Variants in AP1M1 observed in about 807,000 individuals in gnomAD.
AP1M1 encodes the protein AP-1 complex subunit mu-1.
Under a neutral mutation model 57.1 loss-of-function variants are expected in AP1M1, and 18 were observed. The ratio of observed to expected loss-of-function variants is 0.32; its 90% CI spans 0.22 to 0.47. AP1M1 has a LOEUF of 0.47. Ranked by LOEUF, AP1M1 falls within the 20% of genes least tolerant of loss-of-function variation. The pLI is 1.00. For synonymous variants in AP1M1, 241 were observed against 237.9 expected (o/e 1.01, Z -0.12); for missense variants, 362 against 593.5 (o/e 0.61, Z 4.05).
chr19:16,223,617 A>C (rs2091555796), intron 5 of AP1M1, among the ~76,000 whole-genome samples: 1 of 152,214 alleles, frequency 6.6e-6, no homozygotes, highest in Non-Finnish European at 1.5e-5. Context: ...CAGGAGAGTC[A>C]GGAGTTCCTC....
At chr19:16,232,219 C>G (rs2091601811) in intron 9 of AP1M1, among the ~76,000 whole-genome samples, 1 of 152,268 alleles carries the variant, frequency 6.6e-6, no homozygotes, top group Admixed American at 6.5e-5. Context: ...CCTTTGGCAG[C>G]ACGCCTGTCA....
chr19:16,210,259 G>T, intron 5 of AP1M1: 2 of 657,096 alleles, frequency 3.0e-6, no homozygotes, highest in South Asian at 1.7e-5. Flanking sequence ...ACCACAGAAG[G>T]ACATTTGGGT....
chr19:16,232,294 G>A (rs1054204763), intron 9 of AP1M1, among the ~76,000 whole-genome samples: 1 of 152,224 alleles, frequency 6.6e-6, no homozygotes, highest in East Asian at 1.9e-4. Flanking sequence ...GTGGGTTTTG[G>A]TGTGTGAGCC....
rs941183591 is a variant in AP1M1 at position 16,236,679 on chromosome 19, A to G, written c.*2244A>G. ...CTCTCTGCCTGAGATCCACAGGAGA[A>G]AAAGTCACCACTCATTTAGACCCCA... is the stretch of plus-strand genomic sequence containing the variant. On this transcript the variant is annotated 3_prime_UTR_variant, in exon 12 of 12. Transcript: ENST00000291439. 6 of 152,246 alleles carry G rather than the reference A, an allele frequency of 3.9e-5. No homozygotes were observed. The highest frequency in any genetic ancestry group is 1.4e-4 in the African/African-American group (6 of 41,458). The allele number at this position is 152,246 out of a possible 1,614,324, so 9.4% of individuals were successfully genotyped here.
intron 2 of AP1M1, among the ~76,000 whole-genome samples, chr19:16,205,117 G>C (rs1049662704): frequency 6.6e-6 from 1 of 152,200 alleles, no homozygotes; most frequent in East Asian, 1.9e-4. Context: ...ACAGTCGTGA[G>C]CCACCGTGCC....
At chr19:16,217,773 G>T (rs2091525090) in intron 5 of AP1M1, among the ~76,000 whole-genome samples, 1 of 152,136 alleles carries the variant, frequency 6.6e-6, no homozygotes, top group Non-Finnish European at 1.5e-5. Context: ...CTAGGGGATG[G>T]GTGTCCTGGC....
At chr19:16,215,143 G>A (rs765770111) in intron 5 of AP1M1, among the ~76,000 whole-genome samples, 58 of 138,878 alleles carry the variant, frequency 4.2e-4, no homozygotes, top group Non-Finnish European at 7.5e-4. Context: ...TAATATATTG[G>A]CCAGGAGTGG....
In AP1M1 at chr19:16,241,791, T is replaced by C. The variant is rs2145151564; in HGVS notation, c.*7356T>C. ...AGGCGGATCACCTGAGGTTGGGAGT[T>C]CGAGATCAGCCTGACTAACATGAGA... On this transcript the variant is annotated 3_prime_UTR_variant, in exon 12 of 12. Coordinates refer to ENST00000291439, the MANE Select transcript of AP1M1 (RefSeq NM_032493.4). The C allele has an allele frequency of 6.6e-6, 1 of 151,118 alleles. No homozygotes were observed. Among genetic ancestry groups the C allele is most frequent in the African/African-American group, 2.4e-5 (1 of 41,024 alleles). The allele number at this position is 151,118 out of a possible 1,614,324, so 9.4% of individuals were successfully genotyped here. A position where few individuals can be genotyped will look rare whatever the true frequency, so the allele number is the denominator to read the frequency against.
intron 5 of AP1M1, chr19:16,210,213 C>T: frequency 5.3e-6 from 3 of 561,854 alleles, no homozygotes; most frequent in East Asian, 2.8e-5. Flanking sequence ...AAGTCTGTTC[C>T]CTTTTATATT....
chr19:16,240,397 C>A lies in AP1M1; in HGVS notation c.*5962C>A, dbSNP rs559781803. The A allele has an allele frequency of 6.6e-6, 1 of 152,238 alleles. No homozygotes were observed. The highest frequency in any genetic ancestry group is 2.1e-4 in the South Asian group (1 of 4,826). The allele number at this position is 152,238 out of a possible 1,614,324, so 9.4% of individuals were successfully genotyped here. ...AAAAATGAGAACTGGGGAGCAGCCA[C>A]ATGCAAAGAGATCGTGGCCAGAATT... On this transcript the variant is annotated 3_prime_UTR_variant, in exon 12 of 12. Transcript: ENST00000291439.
At position 16,245,190 on chromosome 19, in the gene AP1M1, C is replaced by A. The variant is rs955931740; in HGVS notation, c.*10755C>A. ...GGATTACAGGCATGAGCCACTGCGC[C>A]CAGCCAAATCTGCATTTTGATAAGT... is the stretch of plus-strand genomic sequence containing the variant. On this transcript the variant is annotated 3_prime_UTR_variant, in exon 12 of 12. Coordinates refer to ENST00000291439, the MANE Select transcript of AP1M1 (RefSeq NM_032493.4). 6.6e-6 allele frequency: 1 copy of A among 151,892 alleles called. No individual in the cohort carries two copies. The highest frequency in any genetic ancestry group is 1.5e-5 in the Non-Finnish European group (1 of 68,032). The allele number at this position is 151,892 out of a possible 1,614,324, so 9.4% of individuals were successfully genotyped here. A position where few individuals can be genotyped will look rare whatever the true frequency, so the allele number is the denominator to read the frequency against.
Position 16,244,278 on chromosome 19 carries a change from C to T in AP1M1, c.*9843C>T, listed in dbSNP as rs1236454447. ...TTCAAGAATGAGGTTACAGTAAAAACATTTTGCAGACAAATAACGAAAGAG... is the reference window on the plus strand; with the variant it reads ...TTCAAGAATGAGGTTACAGTAAAAATATTTTGCAGACAAATAACGAAAGAG... On this transcript the variant is annotated 3_prime_UTR_variant, in exon 12 of 12. Coordinates refer to ENST00000291439, the MANE Select transcript of AP1M1 (RefSeq NM_032493.4). 6.6e-6 allele frequency: 1 copy of T among 152,182 alleles called. No individual in the cohort carries two copies. Among genetic ancestry groups the T allele is most frequent in the African/African-American group, 2.4e-5 (1 of 41,458 alleles). 9.4% of individuals were successfully genotyped at this position (152,182 alleles called of 1,614,324 possible). A position where few individuals can be genotyped will look rare whatever the true frequency, so the allele number is the denominator to read the frequency against.
rs1376335932 is a variant in AP1M1, at chr19:16,236,766, C to T, written c.*2331C>T. On this transcript the variant is annotated 3_prime_UTR_variant, in exon 12 of 12. Transcript: ENST00000291439. ...CCAAGATGTTTATGACAGAAAACCT[C>T]CCTGGAGGGACCTAACTTCATGCCT... 3.9e-5 allele frequency: 6 copies of T among 152,190 alleles called. No homozygotes were observed. Among genetic ancestry groups the T allele is most frequent in the Non-Finnish European group, 8.8e-5 (6 of 68,054 alleles). The allele number at this position is 152,190 out of a possible 1,614,324, so 9.4% of individuals were successfully genotyped here. A position where few individuals can be genotyped will look rare whatever the true frequency, so the allele number is the denominator to read the frequency against.
At chr19:16,222,271 A>C (rs2091549270) in intron 5 of AP1M1, among the ~76,000 whole-genome samples, 3 of 150,192 alleles carry the variant, frequency 2.0e-5, no homozygotes, top group Non-Finnish European at 3.0e-5. Context: ...GCCATGGAGC[A>C]AGCATGGCTC....
chr19:16,222,379 T>A (rs951670428), intron 5 of AP1M1, among the ~76,000 whole-genome samples: 7 of 151,066 alleles, frequency 4.6e-5, no homozygotes, highest in African/African-American at 9.7e-5. Context: ...GGCTAATTTT[T>A]AAAAAAAAAT....
chr19:16,198,145 T>C, intron 1 of AP1M1, 77 bp downstream of exon 1: 1 of 1,542,866 alleles, frequency 6.5e-7, no homozygotes, highest in Non-Finnish European at 8.8e-7. Flanking sequence ...ACCCTGTTGC[T>C]AGGTAACCGG....
rs71178661 is a variant in AP1M1, at chr19:16,239,239, C to CTTTTTTTT, written c.*4837_*4844dup. On this transcript the variant is annotated 3_prime_UTR_variant, in exon 12 of 12. Coordinates refer to ENST00000291439, the MANE Select transcript of AP1M1 (RefSeq NM_032493.4). The stretch of plus-strand genomic sequence containing the variant: ...TGAGCCACCGCGCCCGGCCAGTTCT[C>CTTTTTTTT]TTTTTTTTTTTTTTTTTTTTTTTTT... 56 of 39,284 alleles carry CTTTTTTTT rather than the reference C, an allele frequency of 1.4e-3. 5 individuals are homozygous for CTTTTTTTT. The highest frequency in any genetic ancestry group is 4.3e-3 in the African/African-American group (48 of 11,282). 2.4% of individuals were successfully genotyped at this position (39,284 alleles called of 1,614,324 possible).
Position 16,234,397 on chromosome 19 carries a change from C to T in AP1M1, c.1250-16C>T, listed in dbSNP as rs920618600. The stretch of plus-strand genomic sequence containing the variant: ...GGGTGCAGAGCCCAGCATGACGCCT[C>T]CCTCCTGTCTCCTAGATTACCAGCT... On this transcript the variant is annotated splice_polypyrimidine_tract_variant and intron_variant, in intron 11 of 11. Transcript: ENST00000291439. The T allele has an allele frequency of 1.2e-6, 2 of 1,613,994 alleles. No individual in the cohort carries two copies. Among genetic ancestry groups the T allele is most frequent in the Non-Finnish European group, 1.7e-6 (2 of 1,179,964 alleles).
chr19:16,226,758 C>A, intron 6 of AP1M1: 1 of 620,906 alleles, frequency 1.6e-6, no homozygotes, highest in Non-Finnish European at 2.6e-6. Flanking sequence ...TCCAGTCCAG[C>A]TGGGAGGCCC....
Sources: gnomAD v4.1 joint callset for allele counts (sites outside exome capture counted in the v4.1 genomes callset) on GRCh38, gnomAD v4.1.1 for gene constraint, MANE v1.5 for transcripts, NCBI Gene and HGNC (gene_info 2026-07-23, HGNC 2026-07-21) for gene names.